The following GALNT17 variants were observed in gnomAD, a reference collection of about 807,000 sequenced individuals.
GALNT17 encodes the protein UDP-GalNAc:polypeptide N-acetylgalactosaminyltransferase-like 3.
GALNT17 carries 29 observed loss-of-function variants against 63.7 expected under a neutral mutation model. The ratio of observed to expected loss-of-function variants is 0.46; its 90% CI spans 0.34 to 0.62. The LOEUF is 0.62. GALNT17 is among the 20% of genes least tolerant of loss of function. The probability of loss-of-function intolerance (pLI) is 0.01; values close to 1 mark genes in which losing one functional copy is unlikely to be tolerated. For missense variants in GALNT17, 603 were observed against 799.6 expected, an observed-to-expected ratio of 0.75 and a Z score of 2.97; for synonymous variants, 305 against 318.3, an observed-to-expected ratio of 0.96 and a Z score of 0.45.
intron 6 of GALNT17, among the ~76,000 whole-genome samples, chr7:71,660,189 C>T (rs934867923): frequency 1.3e-5 from 2 of 152,092 alleles, no homozygotes; most frequent in Admixed American, 6.5e-5. Context: ...CTGGAGTCAC[C>T]ACACCTCCTG....
intron 5 of GALNT17, among the ~76,000 whole-genome samples, chr7:71,433,188 C>G (rs532680700): frequency 2.0e-5 from 3 of 152,236 alleles, no homozygotes; most frequent in South Asian, 2.1e-4. Flanking sequence ...TCGTCATCTT[C>G]CAGATAAAAA....
intron 1 of GALNT17, among the ~76,000 whole-genome samples, chr7:71,227,972 T>C (rs1789712177): frequency 6.6e-6 from 1 of 152,138 alleles, no homozygotes; most frequent in African/African-American, 2.4e-5. Flanking sequence ...AGATGCCTTC[T>C]TCCCTGGATA....
chr7:71,387,226 TTTTAATG>T (rs74689693), intron 2 of GALNT17, among the ~76,000 whole-genome samples: 79,964 of 148,168 alleles, frequency 0.54, 21,998 homozygotes, highest in Admixed American at 0.64. Context: ...TTGCCATTAC[TTTTAATG>T]GCAAAAAAGT....
rs1790228608 is a variant in GALNT17 at position 71,253,064 on chromosome 7, GC to G, written c.239-82483del. ...ACAACTTGAAATTGACTATTCTTCT[GC>G]CCTCTGCTTTCCCATGTAAAATGCA... On this transcript the variant is annotated intron_variant, in intron 1 of 10. Coordinates refer to ENST00000333538, the MANE Select transcript of GALNT17 (RefSeq NM_022479.3). Among the ~76,000 whole-genome samples the G allele has an allele frequency of 2.0e-5, 3 of 152,252 alleles. No individual in the cohort carries two copies. In the South Asian group the frequency reaches 6.2e-4, roughly 32 times the overall value.
chr7:71,699,798 T>C (rs1022651033), intron 9 of GALNT17, among the ~76,000 whole-genome samples: 14 of 151,056 alleles, frequency 9.3e-5, no homozygotes, highest in Admixed American at 2.0e-4. Context: ...CCAGGTGTTA[T>C]GGCATGCACC....
At chr7:71,186,474 C>T (rs998585398) in intron 1 of GALNT17, among the ~76,000 whole-genome samples, 9 of 152,236 alleles carry the variant, frequency 5.9e-5, no homozygotes, top group African/African-American at 2.2e-4. Flanking sequence ...ACTATCTTTG[C>T]TCTTCTTTGG....
At position 71,142,500 on chromosome 7, in the gene GALNT17, A is replaced by T. The variant is rs140381104; in HGVS notation, c.238+9460A>T. Among the ~76,000 whole-genome samples the T allele has an allele frequency of 4.4e-3, 663 of 152,350 alleles. 4 individuals carry two copies. The highest frequency in any genetic ancestry group is 0.017 in the South Asian group (82 of 4,834). On this transcript the variant is annotated intron_variant, in intron 1 of 10. Transcript: ENST00000333538. Reference sequence around the variant, plus strand: ...CAATTACAGAACACAATGGTCATTCATATCCGTTAGTGAGCACTTCCTTGC... The same window carrying T: ...CAATTACAGAACACAATGGTCATTCTTATCCGTTAGTGAGCACTTCCTTGC...
intron 1 of GALNT17, among the ~76,000 whole-genome samples, chr7:71,273,617 T>C (rs1173775093): frequency 5.3e-5 from 8 of 152,208 alleles, no homozygotes; most frequent in Admixed American, 5.2e-4. Flanking sequence ...CCTATAGACA[T>C]CACAAGGTTA....
At chr7:71,700,359 AT>A (rs1293604087) in intron 9 of GALNT17, among the ~76,000 whole-genome samples, 3 of 152,100 alleles carry the variant, frequency 2.0e-5, no homozygotes, top group African/African-American at 2.4e-5. Flanking sequence ...GCATTCTCAA[AT>A]CTGTCTTCTT....
At chr7:71,456,694 C>A (rs999123492) in intron 5 of GALNT17, among the ~76,000 whole-genome samples, 10 of 152,078 alleles carry the variant, frequency 6.6e-5, no homozygotes, top group Non-Finnish European at 1.2e-4. Flanking sequence ...CAAAGCCTCT[C>A]TGTAGAAAGG....
At chr7:71,676,753 A>G (rs910925232) in intron 8 of GALNT17, among the ~76,000 whole-genome samples, 4 of 152,172 alleles carry the variant, frequency 2.6e-5, no homozygotes, top group African/African-American at 9.7e-5. Flanking sequence ...TACCCAGTTT[A>G]TTAAAACCAA....
At position 71,648,665 on chromosome 7, in the gene GALNT17, G is replaced by A. The variant is rs577765290; in HGVS notation, c.1081-16746G>A. 1.5e-4 allele frequency among the ~76,000 whole-genome samples: 23 copies of A among 152,108 alleles called. No individual in the cohort carries two copies. The East Asian group carries it at 3.1e-3, about 20-fold the overall frequency. Reference sequence around the variant, plus strand: ...TTGCCCAGGCCGGTCTTGAACTCTCGGTCTCAAGTGATCCTCCTGCCTCAG... The same window carrying A: ...TTGCCCAGGCCGGTCTTGAACTCTCAGTCTCAAGTGATCCTCCTGCCTCAG... On this transcript the variant is annotated intron_variant, in intron 6 of 10. Coordinates refer to ENST00000333538, the MANE Select transcript of GALNT17 (RefSeq NM_022479.3).
chr7:71,489,396 A>G (rs944308872), intron 5 of GALNT17, among the ~76,000 whole-genome samples: 17 of 152,210 alleles, frequency 1.1e-4, no homozygotes, highest in African/African-American at 3.6e-4. Flanking sequence ...GACACAACAC[A>G]AATTGATAAT....
intron 6 of GALNT17, among the ~76,000 whole-genome samples, chr7:71,571,610 A>G (rs576499669): frequency 1.1e-3 from 172 of 152,186 alleles, no homozygotes; most frequent in Non-Finnish European, 1.9e-3. Context: ...AAGTTGGCTG[A>G]TAGGTTTCAT....
intron 2 of GALNT17, among the ~76,000 whole-genome samples, chr7:71,377,671 A>T (rs572775047): frequency 5.3e-5 from 8 of 152,304 alleles, no homozygotes; most frequent in Non-Finnish European, 8.8e-5. Flanking sequence ...CTCATCTCTA[A>T]TCGTAATCCC....
chr7:71,529,784 C>T (rs753340848), intron 5 of GALNT17, among the ~76,000 whole-genome samples: 1 of 152,318 alleles, frequency 6.6e-6, no homozygotes, highest in Non-Finnish European at 1.5e-5. Context: ...TGTACTGTTA[C>T]TGCACAACTA....
At chr7:71,703,072 T>C (rs139454380) in intron 9 of GALNT17, among the ~76,000 whole-genome samples, 41 of 152,344 alleles carry the variant, frequency 2.7e-4, no homozygotes, top group African/African-American at 9.6e-4. Context: ...CAAATTAGCA[T>C]GTAAATGCTA....
chr7:71,413,843 T>C (rs536936399), intron 3 of GALNT17, among the ~76,000 whole-genome samples: 33 of 152,154 alleles, frequency 2.2e-4, no homozygotes, highest in Non-Finnish European at 4.1e-4. Flanking sequence ...GGAGGTGGCA[T>C]CTACCTTGAT....
chr7:71,261,424 G>A (rs558171529), intron 1 of GALNT17, among the ~76,000 whole-genome samples: 27 of 138,818 alleles, frequency 1.9e-4, no homozygotes, highest in Admixed American at 5.5e-4. Context: ...TAAAGCAAAG[G>A]TCTGTGTTTC....
Sources: gnomAD v4.1 joint callset for allele counts (sites outside exome capture counted in the v4.1 genomes callset) on GRCh38, gnomAD v4.1.1 for gene constraint, MANE v1.5 for transcripts, NCBI Gene and HGNC (gene_info 2026-07-23, HGNC 2026-07-21) for gene names.